The following GSE1 variants were observed in gnomAD, a reference collection of about 807,000 sequenced individuals.
GSE1 encodes the protein Gse1 coiled-coil protein, also known as genetic suppressor element 1.
GSE1 carries 32 observed loss-of-function variants against 112.6 expected under a neutral mutation model. The observed-to-expected ratio is 0.28, with a 90% CI of 0.21 to 0.38. GSE1 has a LOEUF of 0.38. GSE1 is among the 10% of genes least tolerant of loss of function. The probability of loss-of-function intolerance (pLI) is 1.00; values close to 1 mark genes in which losing one functional copy is unlikely to be tolerated. For synonymous variants in GSE1, 1,115 were observed against 735.6 expected (o/e 1.52, Z -8.35); for missense variants, 2,348 against 1,699.2 (o/e 1.38, Z -6.71).
Position 85,341,209 on chromosome 16 carries a change from T to A in GSE1, c.2284-16254T>A, listed in dbSNP as rs535013599. 6.6e-3 allele frequency among the ~76,000 whole-genome samples: 1,003 copies of A among 152,062 alleles called. 4 individuals are homozygous for A. The highest frequency in any genetic ancestry group is 0.011 in the Non-Finnish European group (740 of 67,964). Reference sequence around the variant, plus strand: ...GGCTCTGTTGTTTACTTTTTTTTTTTAAATAAACAGGGTGTTGTTCTGTCT... The same window carrying A: ...GGCTCTGTTGTTTACTTTTTTTTTTAAAATAAACAGGGTGTTGTTCTGTCT... On this transcript the variant is annotated intron_variant, in intron 1 of 2. Coordinates refer to the GSE1 transcript ENST00000637419.
At chr16:85,260,203 C>T (rs1597216671) in intron 1 of GSE1, among the ~76,000 whole-genome samples, 1 of 152,172 alleles carries the variant, frequency 6.6e-6, no homozygotes, top group Non-Finnish European at 1.5e-5. Flanking sequence ...GGTACCTGGA[C>T]ACCTGACAGT....
intron 1 of GSE1, among the ~76,000 whole-genome samples, chr16:85,235,922 A>G (rs1359114826): frequency 4.0e-5 from 6 of 151,524 alleles, no homozygotes; most frequent in Non-Finnish European, 5.9e-5. Flanking sequence ...CCTTCCAGGA[A>G]TGCGCGCATC....
At chr16:85,644,633 C>CCAAT (rs756700758) in intron 2 of GSE1, among the ~76,000 whole-genome samples, 14 of 152,086 alleles carry the variant, frequency 9.2e-5, no homozygotes, top group Non-Finnish European at 1.9e-4. Context: ...AGACGGAGAG[C>CCAAT]CAATGCGTGC....
intron 2 of GSE1, among the ~76,000 whole-genome samples, chr16:85,446,295 A>G (rs1436544349): frequency 6.6e-6 from 1 of 152,176 alleles, no homozygotes; most frequent in Non-Finnish European, 1.5e-5. Context: ...TGACTACCTC[A>G]TGGTCTCTCA....
intron 2 of GSE1, among the ~76,000 whole-genome samples, chr16:85,391,238 AAC>A (rs1163872142): frequency 2.6e-5 from 4 of 152,240 alleles, no homozygotes; most frequent in Admixed American, 6.5e-5. Context: ...GTAGTGTGCA[AAC>A]ACATTCGGGC....
chr16:85,205,641 A>G (rs1318394997), intron 1 of GSE1, among the ~76,000 whole-genome samples: 1 of 151,906 alleles, frequency 6.6e-6, no homozygotes, highest in Admixed American at 6.5e-5. Flanking sequence ...TGGGGGTAAG[A>G]GGCAGCTGTG....
At chr16:85,544,086 C>T (rs1026727338) in intron 2 of GSE1, among the ~76,000 whole-genome samples, 31 of 152,172 alleles carry the variant, frequency 2.0e-4, no homozygotes, top group Non-Finnish European at 5.9e-5. Flanking sequence ...CCACCCACCT[C>T]GGCTTCCCAC....
chr16:85,421,948 A>G (rs534747156), intron 2 of GSE1, among the ~76,000 whole-genome samples: 20 of 152,274 alleles, frequency 1.3e-4, no homozygotes, highest in African/African-American at 4.6e-4. Flanking sequence ...GATCCCGTTC[A>G]GCCCCACAGC....
At chr16:85,426,825 C>G (rs1041698784) in intron 2 of GSE1, among the ~76,000 whole-genome samples, 2 of 152,168 alleles carry the variant, frequency 1.3e-5, no homozygotes, top group African/African-American at 2.4e-5. Context: ...TTAACCCTGG[C>G]TTCAGCCCAC....
At chr16:85,180,896 A>T (rs1346447558) in intron 1 of GSE1, among the ~76,000 whole-genome samples, 2 of 152,344 alleles carry the variant, frequency 1.3e-5, no homozygotes, top group East Asian at 3.9e-4. Flanking sequence ...CGTACCAGTG[A>T]TGTCACCTTA....
In GSE1 at chr16:85,671,136, C is replaced by G. The variant is rs371261948; in HGVS notation, c.3519+38C>G. On this transcript the variant is annotated intron_variant, in intron 15 of 15. Coordinates refer to ENST00000253458, the MANE Select transcript of GSE1 (RefSeq NM_014615.5). ...GGGATGGAAACCTTCAAACACGCAA[C>G]CTTTTGAGTTTGGGTTCAGAAACAC... is the stretch of plus-strand genomic sequence containing the variant. 9 of 1,194,616 alleles carry G rather than the reference C, an allele frequency of 7.5e-6. No homozygotes were observed. The Middle Eastern group carries it at 7.7e-4, about 102-fold the overall frequency. The allele number at this position is 1,194,616 out of a possible 1,614,324, so 74.0% of individuals were successfully genotyped here. A position where few individuals can be genotyped will look rare whatever the true frequency, so the allele number is the denominator to read the frequency against.
At chr16:85,654,671 G>T in intron 4 of GSE1, 123 bp from the exon 5 acceptor site, 1 of 749,364 alleles carries the variant, frequency 1.3e-6, no homozygotes, top group Admixed American at 2.1e-5. Context: ...TCCTCGTTCG[G>T]GGTGCCAGGA....
intron 2 of GSE1, among the ~76,000 whole-genome samples, chr16:85,496,854 C>G (rs917644033): frequency 6.6e-6 from 1 of 151,618 alleles, no homozygotes; most frequent in African/African-American, 2.4e-5. Context: ...AGGGCAGCCC[C>G]TGTGGCAGGA....
At chr16:85,356,875 A>G (rs2046961025) in intron 1 of GSE1, among the ~76,000 whole-genome samples, 1 of 152,146 alleles carries the variant, frequency 6.6e-6, no homozygotes, top group Admixed American at 6.5e-5. Flanking sequence ...CCGGCTGGTA[A>G]TAACAGCTCA....
At position 85,265,360 on chromosome 16, in the gene GSE1, G is replaced by A. The variant is rs536037276; in HGVS notation, c.2284-92103G>A. Among the ~76,000 whole-genome samples the A allele has an allele frequency of 2.6e-5, 4 of 152,286 alleles. No individual in the cohort carries two copies. In the East Asian group the frequency reaches 7.7e-4, roughly 29 times the overall value. Reference sequence around the variant, plus strand: ...CCGCTGGGTGGAGGCAGACATGACTGCTGCTAAGGAAGGCTGATTGCTCAG... The same window carrying A: ...CCGCTGGGTGGAGGCAGACATGACTACTGCTAAGGAAGGCTGATTGCTCAG... On this transcript the variant is annotated intron_variant, in intron 1 of 2. Coordinates refer to the GSE1 transcript ENST00000637419.
intron 1 of GSE1, among the ~76,000 whole-genome samples, chr16:85,568,113 G>A (rs546004011): frequency 6.6e-6 from 1 of 152,364 alleles, no homozygotes; most frequent in East Asian, 1.9e-4. Context: ...TCTGGAAAAT[G>A]TCATCAGCTA....
At chr16:85,214,173 G>A (rs12596754) in intron 1 of GSE1, among the ~76,000 whole-genome samples, 8,107 of 152,212 alleles carry the variant, frequency 0.053, 390 homozygotes, top group African/African-American at 0.12. Flanking sequence ...CTCTGTGGGC[G>A]GCCTCCGCTC....
Position 85,674,513 on chromosome 16 carries a change from G to C in GSE1, c.*1974G>C, listed in dbSNP as rs1335911335. On this transcript the variant is annotated 3_prime_UTR_variant, in exon 16 of 16. Transcript: ENST00000253458. ...AAACTATCAGGGCAAAATCTCACTGGATTTCTCCACTGAAAACCTACTTGA... is the reference window on the plus strand; with the variant it reads ...AAACTATCAGGGCAAAATCTCACTGCATTTCTCCACTGAAAACCTACTTGA... 5 of 152,188 alleles carry C rather than the reference G, an allele frequency of 3.3e-5. No individual in the cohort carries two copies. The highest frequency in any genetic ancestry group is 5.9e-5 in the Non-Finnish European group (4 of 68,044). The allele number at this position is 152,188 out of a possible 1,614,324, so 9.4% of individuals were successfully genotyped here. A position where few individuals can be genotyped will look rare whatever the true frequency, so the allele number is the denominator to read the frequency against.
chr16:85,501,011 T>TG (rs1451531575), intron 2 of GSE1, among the ~76,000 whole-genome samples: 4 of 133,946 alleles, frequency 3.0e-5, no homozygotes, highest in Non-Finnish European at 4.7e-5. Flanking sequence ...TTTTTTTTTT[T>TG]TTTTTTTTTT....
Sources: gnomAD v4.1 joint callset for allele counts (sites outside exome capture counted in the v4.1 genomes callset) on GRCh38, gnomAD v4.1.1 for gene constraint, MANE v1.5 for transcripts, NCBI Gene and HGNC (gene_info 2026-07-23, HGNC 2026-07-21) for gene names.